ALG12: variants seen among roughly 807,000 people sequenced by gnomAD.
ALG12 encodes the protein dol-P-Man:Man(7)GlcNAc(2)-PP-Dol alpha-1,6-mannosyltransferase.
ALG12 carries 36 observed loss-of-function variants against 46.0 expected under a neutral mutation model. The observed-to-expected ratio is 0.78, with a 90% CI of 0.60 to 1.03. The LOEUF is 1.03. ALG12 is among the 50% of genes least tolerant of loss of function. The pLI is 0.00. For synonymous variants in ALG12, 326 were observed against 291.6 expected, an observed-to-expected ratio of 1.12 and a Z score of -1.20; for missense variants, 599 against 633.5, an observed-to-expected ratio of 0.95 and a Z score of 0.58.
chr22:49,901,895 T>C lies in ALG12; in HGVS notation c.*1943A>G, dbSNP rs537402614. The stretch of plus-strand genomic sequence containing the variant: ...ATTCATGGTGTGTGCACGTGTGCAC[T>C]GTGTGTATGCATGGTAATGTGCACG... On this transcript the variant is annotated 3_prime_UTR_variant, in exon 10 of 10. Coordinates refer to ENST00000330817, the MANE Select transcript of ALG12 (RefSeq NM_024105.4). 2.6e-5 allele frequency: 3 copies of C among 115,976 alleles called. No homozygotes were observed. The highest frequency in any genetic ancestry group is 2.5e-4 in the Admixed American group (3 of 11,968). The allele number at this position is 115,976 out of a possible 1,614,324, so 7.2% of individuals were successfully genotyped here. A position where few individuals can be genotyped will look rare whatever the true frequency, so the allele number is the denominator to read the frequency against.
Position 49,913,447 on chromosome 22 carries a change from G to T in ALG12, c.233C>A (p.Ser78Tyr). 6.2e-7 allele frequency: 1 copy of T among 1,614,026 alleles called. No homozygotes were observed. The highest frequency in any genetic ancestry group is 8.5e-7 in the Non-Finnish European group (1 of 1,180,046). The change falls in exon 3 of 10, where the codon TCC becomes TAC. Residue 78 changes from serine (S) to tyrosine (Y), a missense_variant. Transcript: ENST00000330817. ...FLGPVVIAVF[S>Y]SPAVYVLSLL... ...CGAAAGCACGTAAACCGCGGGGCTG[G>T]AGAACACTGCGATCACCACTGGCCC...
At chr22:49,863,374 A>G in the ALG12 span, among the ~76,000 whole-genome samples, 3 of 152,224 alleles carry the variant, frequency 2.0e-5, no homozygotes, top group African/African-American at 7.2e-5. Flanking sequence ...CACGCCTGTA[A>G]TCCCAGCACT....
the ALG12 span, chr22:49,887,388 A>G: frequency 1.0e-4 from 48 of 472,426 alleles, no homozygotes; most frequent in Non-Finnish European, 1.5e-4. Flanking sequence ...GACGTCCACT[A>G]GAAATAGCTT....
In ALG12 at chr22:49,913,676, G is replaced by A. The variant is rs1223121789; in HGVS notation, c.90C>T (p.Tyr30=). ...VATVHLVICP[Y]TKVEESFNLQ... The stretch of plus-strand genomic sequence containing the variant: ...GGTTGAAGCTCTCCTCCACTTTGGT[G>A]TAGGGACAGATGACCAGGTGGACAG... Residue 30 remains tyrosine (Y), a synonymous_variant, in exon 2 of 10, where the codon TAC becomes TAT. Coordinates refer to ENST00000330817, the MANE Select transcript of ALG12 (RefSeq NM_024105.4). The A allele has an allele frequency of 6.2e-7, 1 of 1,614,164 alleles. No individual in the cohort carries two copies. The highest frequency in any genetic ancestry group is 1.7e-5 in the Admixed American group (1 of 60,032).
At chr22:49,859,470 T>C in the ALG12 span, among the ~76,000 whole-genome samples, 1 of 152,146 alleles carries the variant, frequency 6.6e-6, no homozygotes. Flanking sequence ...GTCCTGGGAA[T>C]GCATCCTTTC....
chr22:49,912,111 C>CGGGATCAGCCTCGGCCGT (rs2060581644), intron 3 of ALG12, among the ~76,000 whole-genome samples: 1 of 150,774 alleles, frequency 6.6e-6, no homozygotes, highest in African/African-American at 2.5e-5. Flanking sequence ...CCCTCGGCCC[C>CGGGATCAGCCTCGGCCGT]GGGATCAGCC....
At chr22:49,914,884 C>T (rs370008570) in intron 1 of ALG12, among the ~76,000 whole-genome samples, 1 of 152,228 alleles carries the variant, frequency 6.6e-6, no homozygotes, top group Non-Finnish European at 1.5e-5. Context: ...TGGGTCACCA[C>T]ACTCAGCTAA....
the ALG12 span, among the ~76,000 whole-genome samples, chr22:49,890,881 C>T: frequency 3.3e-5 from 5 of 152,084 alleles, no homozygotes; most frequent in African/African-American, 1.2e-4. Context: ...ATTAGCTGGG[C>T]GTGGTGGCAG....
At chr22:49,863,733 T>C in the ALG12 span, among the ~76,000 whole-genome samples, 1 of 152,226 alleles carries the variant, frequency 6.6e-6, no homozygotes, top group African/African-American at 2.4e-5. Context: ...GGTGTTATAG[T>C]TCATGGAGAA....
At chr22:49,910,697 A>G (rs2060571807) in intron 3 of ALG12, 90 bp from the exon 4 acceptor site, 4 of 1,471,550 alleles carry the variant, frequency 2.7e-6, no homozygotes, top group Non-Finnish European at 3.8e-6. Flanking sequence ...AGATCTTTCT[A>G]TATGGAGTTT....
chr22:49,879,178 GA>G, the ALG12 span, among the ~76,000 whole-genome samples: 6 of 150,852 alleles, frequency 4.0e-5, no homozygotes, highest in South Asian at 1.3e-3. Context: ...AAACAGGAGT[GA>G]AGTGGCGCAA....
chr22:49,906,538 C>T lies in ALG12; in HGVS notation c.992+1183G>A, dbSNP rs2060542894. Among the ~76,000 whole-genome samples the T allele has an allele frequency of 6.6e-6, 1 of 152,198 alleles. No homozygotes were observed. On this transcript the variant is annotated intron_variant, in intron 7 of 9. Coordinates refer to ENST00000330817, the MANE Select transcript of ALG12 (RefSeq NM_024105.4). This position sits in a 1 kb window ranked among gnomAD's most constrained non-coding sequence, Gnocchi z 4.4. Reference sequence around the variant, plus strand: ...AGGCCCGAGGGCAGTGCGGGGCAGTCGGAGCTGGGGGGCACCATCCCCTCC... The same window carrying T: ...AGGCCCGAGGGCAGTGCGGGGCAGTTGGAGCTGGGGGGCACCATCCCCTCC...
the ALG12 span, among the ~76,000 whole-genome samples, chr22:49,890,798 C>G: frequency 6.6e-6 from 1 of 152,124 alleles, no homozygotes; most frequent in African/African-American, 2.4e-5. Context: ...GGGCAGATCA[C>G]GAGGTCAGGA....
At chr22:49,875,418 C>CTTT in the ALG12 span, among the ~76,000 whole-genome samples, 214 of 145,088 alleles carry the variant, frequency 1.5e-3, no homozygotes, top group Middle Eastern at 3.4e-3. Context: ...AATTTATTTT[C>CTTT]TTTTTTTTTT....
the ALG12 span, among the ~76,000 whole-genome samples, chr22:49,867,145 GGTTT>G: frequency 6.6e-6 from 1 of 152,032 alleles, no homozygotes; most frequent in Non-Finnish European, 1.5e-5. Flanking sequence ...TTTACCTCAC[GGTTT>G]GTTTTTCACC....
chr22:49,892,081 T>C, the ALG12 span, among the ~76,000 whole-genome samples: 1 of 146,902 alleles, frequency 6.8e-6, no homozygotes, highest in Non-Finnish European at 1.5e-5. Context: ...CCAGCTACTC[T>C]GGAGGCTGAG....
Position 49,905,291 on chromosome 22 carries a change from C to T in ALG12, c.993-785G>A, listed in dbSNP as rs2060536646. On this transcript the variant is annotated intron_variant, in intron 7 of 9. Transcript: ENST00000330817. The surrounding 1 kb of genome is among the most constrained non-coding windows in gnomAD (Gnocchi z 4.9). Reference sequence around the variant, plus strand: ...GCTTGCCAACCCTGGTCTAAACGCCCTGAACCCCCGATCAAGACTCACTCT... The same window carrying T: ...GCTTGCCAACCCTGGTCTAAACGCCTTGAACCCCCGATCAAGACTCACTCT... 1.3e-5 allele frequency among the ~76,000 whole-genome samples: 2 copies of T among 152,206 alleles called. No homozygotes were observed. Among genetic ancestry groups the T allele is most frequent in the South Asian group, 4.1e-4 (2 of 4,826 alleles).
chr22:49,902,728 C>A lies in ALG12; in HGVS notation c.*1110G>T, dbSNP rs2060519852. ...TGCACGTGTGCACTGTGTGTGGATG[C>A]ATGGTAATGTGCACGTGTGCACTGT... On this transcript the variant is annotated 3_prime_UTR_variant, in exon 10 of 10. Coordinates refer to ENST00000330817, the MANE Select transcript of ALG12 (RefSeq NM_024105.4). The A allele has an allele frequency of 1.2e-5, 1 of 80,878 alleles. No individual in the cohort carries two copies. Among genetic ancestry groups the A allele is most frequent in the Non-Finnish European group, 2.3e-5 (1 of 43,920 alleles). The allele number at this position is 80,878 out of a possible 1,614,324, so 5.0% of individuals were successfully genotyped here.
the ALG12 span, among the ~76,000 whole-genome samples, chr22:49,894,724 C>T: frequency 6.6e-6 from 1 of 152,244 alleles, no homozygotes; most frequent in Non-Finnish European, 1.5e-5. Flanking sequence ...GAACACTTGC[C>T]TCAGCAGCAA....
Sources: gnomAD v4.1 joint callset for allele counts (sites outside exome capture counted in the v4.1 genomes callset) on GRCh38, gnomAD v4.1.1 for gene constraint, Gnocchi (gnomAD v3.1) non-coding constraint, MANE v1.5 for transcripts, NCBI Gene and HGNC (gene_info 2026-07-23, HGNC 2026-07-21) for gene names.